HERC3: variants seen among roughly 807,000 people sequenced by gnomAD.
HERC3 encodes probable E3 ubiquitin-protein ligase HERC3.
HERC3 carries 58 observed loss-of-function variants against 129.9 expected under a neutral mutation model. The ratio of observed to expected loss-of-function variants is 0.45; its 90% CI spans 0.36 to 0.56. HERC3 has a LOEUF of 0.56. HERC3 is among the 20% of genes least tolerant of loss of function. The pLI is 0.00. For missense variants in HERC3, 835 were observed against 1,244.2 expected, an observed-to-expected ratio of 0.67 and a Z score of 4.95; for synonymous variants, 430 against 451.0, an observed-to-expected ratio of 0.95 and a Z score of 0.59.
the HERC3 span, among the ~76,000 whole-genome samples, chr4:88,551,184 G>A: frequency 4.6e-5 from 7 of 152,068 alleles, no homozygotes; most frequent in South Asian, 2.1e-4. Flanking sequence ...TAAAAACCCT[G>A]GAAGAAAACC....
the HERC3 span, among the ~76,000 whole-genome samples, chr4:88,586,381 G>A: frequency 3.5e-5 from 5 of 142,678 alleles, no homozygotes; most frequent in African/African-American, 7.7e-5. Flanking sequence ...TTTTTGAGAC[G>A]GAGTTTCGCT....
chr4:88,621,804 T>C (rs1426297315), intron 3 of HERC3, among the ~76,000 whole-genome samples: 7 of 152,224 alleles, frequency 4.6e-5, no homozygotes, highest in Admixed American at 4.6e-4. Context: ...GTGTGTTAAT[T>C]CCCTTACCTA....
the HERC3 span, among the ~76,000 whole-genome samples, chr4:88,542,485 C>G: frequency 6.6e-6 from 1 of 152,172 alleles, no homozygotes; most frequent in Non-Finnish European, 1.5e-5. Context: ...CAGATGGATT[C>G]ACAGCCGAAT....
chr4:88,534,987 T>C, the HERC3 span, among the ~76,000 whole-genome samples: 3 of 152,210 alleles, frequency 2.0e-5, no homozygotes, highest in African/African-American at 7.2e-5. Context: ...GTGTTTTCCA[T>C]AGTTGAAGAG....
chr4:88,585,138 AG>A, the HERC3 span, among the ~76,000 whole-genome samples: 1 of 152,200 alleles, frequency 6.6e-6, no homozygotes, highest in African/African-American at 2.4e-5. Context: ...CTACCTCTAT[AG>A]GGTCTCTTTT....
At chr4:88,665,602 G>A (rs980215118) in intron 12 of HERC3, among the ~76,000 whole-genome samples, 1 of 152,130 alleles carries the variant, frequency 6.6e-6, no homozygotes, top group Non-Finnish European at 1.5e-5. Context: ...ACAGAAAACT[G>A]ACCCAGACAT....
intron 11 of HERC3, among the ~76,000 whole-genome samples, chr4:88,663,843 T>A (rs941581087): frequency 1.3e-5 from 2 of 152,166 alleles, no homozygotes; most frequent in Non-Finnish European, 2.9e-5. Context: ...CTCTTTGGAG[T>A]TTAGATAGGG....
the HERC3 span, among the ~76,000 whole-genome samples, chr4:88,559,039 G>A: frequency 2.0e-5 from 3 of 151,708 alleles, no homozygotes; most frequent in Non-Finnish European, 2.9e-5. Flanking sequence ...GTATACAGAA[G>A]GTATATAACA....
chr4:88,528,253 C>T, the HERC3 span: 1 of 154,738 alleles, frequency 6.5e-6, no homozygotes, highest in Admixed American at 6.5e-5. Flanking sequence ...TAAATGGTCA[C>T]CTGCTGGACT....
chr4:88,584,885 G>T, the HERC3 span, among the ~76,000 whole-genome samples: 1 of 152,326 alleles, frequency 6.6e-6, no homozygotes, highest in African/African-American at 2.4e-5. Context: ...AGGGATCTGG[G>T]TGACAACTTG....
intron 21 of HERC3, 107 bp from the exon 22 acceptor site, chr4:88,686,629 T>G: frequency 1.4e-6 from 1 of 700,246 alleles, no homozygotes; most frequent in Non-Finnish European, 2.5e-6. Flanking sequence ...CAGAATCTTC[T>G]TTCATAGTTT....
chr4:88,577,693 T>C, the HERC3 span, among the ~76,000 whole-genome samples: 7 of 145,544 alleles, frequency 4.8e-5, no homozygotes, highest in Non-Finnish European at 9.0e-5. Flanking sequence ...ATTTAGCAAT[T>C]AGTGGAAAAA....
intron 12 of HERC3, among the ~76,000 whole-genome samples, chr4:88,666,164 T>C (rs545960945): frequency 4.8e-4 from 73 of 152,344 alleles, no homozygotes; most frequent in African/African-American, 1.8e-3. Flanking sequence ...TGTTAGGTTG[T>C]TCATCCTTAG....
At chr4:88,602,558 A>C (rs1723126534) in intron 2 of HERC3, among the ~76,000 whole-genome samples, 1 of 151,866 alleles carries the variant, frequency 6.6e-6, no homozygotes, top group Non-Finnish European at 1.5e-5. Context: ...GCTCACTGAA[A>C]CCTTGACCTC....
the HERC3 span, among the ~76,000 whole-genome samples, chr4:88,572,684 C>G: frequency 6.6e-6 from 1 of 151,760 alleles, no homozygotes; most frequent in East Asian, 1.9e-4. Context: ...TGGCATGCAC[C>G]TGTAGTCCCA....
At chr4:88,563,479 G>T in the HERC3 span, among the ~76,000 whole-genome samples, 1 of 151,890 alleles carries the variant, frequency 6.6e-6, no homozygotes, top group Non-Finnish European at 1.5e-5. Flanking sequence ...TTTCCAATTT[G>T]GATGCCCTTT....
At chr4:88,693,178 T>C (rs1734248021) in intron 23 of HERC3, 1 of 984,376 alleles carries the variant, frequency 1.0e-6, no homozygotes, top group African/African-American at 1.7e-5. Context: ...TATGTTCTTT[T>C]TTATTCCTCT....
At chr4:88,695,630 G>A (rs2149337433) in intron 23 of HERC3, among the ~76,000 whole-genome samples, 1 of 152,276 alleles carries the variant, frequency 6.6e-6, no homozygotes, top group South Asian at 2.1e-4. Flanking sequence ...TAACAGGAGA[G>A]GAGGATTGAA....
intron 3 of HERC3, among the ~76,000 whole-genome samples, chr4:88,616,885 A>C (rs904526991): frequency 7.9e-5 from 12 of 152,130 alleles, no homozygotes; most frequent in African/African-American, 2.9e-4. Flanking sequence ...TTTTGTAGTG[A>C]TGCAGAGATT....
Sources: gnomAD v4.1 joint callset for allele counts (sites outside exome capture counted in the v4.1 genomes callset) on GRCh38, gnomAD v4.1.1 for gene constraint, MANE v1.5 for transcripts, NCBI Gene and HGNC (gene_info 2026-07-23, HGNC 2026-07-21) for gene names.